The following UNC13C variants were observed in gnomAD, a reference collection of about 807,000 sequenced individuals.
The protein encoded by UNC13C is unc-13 homolog C.
Under a neutral mutation model 245.4 loss-of-function variants are expected in UNC13C, and 174 were observed. The ratio of observed to expected loss-of-function variants is 0.71; its 90% CI spans 0.63 to 0.80. The LOEUF (loss-of-function observed/expected upper bound fraction) is 0.80. UNC13C is among the 30% of genes least tolerant of loss of function. UNC13C has a pLI of 0.00. For synonymous variants in UNC13C, 992 were observed against 895.1 expected (o/e 1.11, Z -1.93); for missense variants, 2,829 against 2,602.9 (o/e 1.09, Z -1.89).
At chr15:54,161,671 C>A (rs1387991091) in intron 4 of UNC13C, among the ~76,000 whole-genome samples, 1 of 152,038 alleles carries the variant, frequency 6.6e-6, no homozygotes, top group Non-Finnish European at 1.5e-5. Flanking sequence ...ACTTTTTCAG[C>A]TGGGCATGGT....
intron 11 of UNC13C, among the ~76,000 whole-genome samples, chr15:54,295,213 G>A (rs966309440): frequency 1.3e-5 from 2 of 152,032 alleles, no homozygotes; most frequent in Admixed American, 6.6e-5. Context: ...TTAACTCTGT[G>A]GAACATTCAC....
intron 19 of UNC13C, among the ~76,000 whole-genome samples, chr15:54,461,893 A>G (rs961821601): frequency 1.3e-5 from 2 of 152,212 alleles, no homozygotes; most frequent in Non-Finnish European, 2.9e-5. Flanking sequence ...GAATACTGGT[A>G]TGAAATAATA....
intron 4 of UNC13C, among the ~76,000 whole-genome samples, chr15:54,228,078 C>A (rs2035444098): frequency 6.6e-6 from 1 of 152,180 alleles, no homozygotes; most frequent in Non-Finnish European, 1.5e-5. Flanking sequence ...CAAAGTCCTA[C>A]TCACTTTCCA....
chr15:54,091,970 A>G (rs1437712671), intron 2 of UNC13C, among the ~76,000 whole-genome samples: 1 of 152,204 alleles, frequency 6.6e-6, no homozygotes, highest in Non-Finnish European at 1.5e-5. Context: ...ACAGTTACTC[A>G]CAAGTTTGAT....
upstream of UNC13C, among the ~76,000 whole-genome samples, chr15:53,977,246 C>T (rs1893739169): frequency 6.6e-6 from 1 of 152,122 alleles, no homozygotes; most frequent in Non-Finnish European, 1.5e-5. Flanking sequence ...TATATTGTGT[C>T]ACATTTGGGG....
chr15:54,627,073 G>T lies in UNC13C; in HGVS notation c.6605G>T (p.Arg2202Ile). ...TSDDVAKEFV[R>I]LKSETRSTEE... ...GATGATGTGGCTAAAGAATTTGTAA[G>T]ACTTAAATCTGAAACAAGATCTACT... Residue 2202 changes from arginine (R) to isoleucine (I), a missense_variant, in exon 33 of 33, where the codon AGA becomes ATA. Transcript: ENST00000260323. The T allele has an allele frequency of 6.2e-7, 1 of 1,612,680 alleles. No homozygotes were observed. Among genetic ancestry groups the T allele is most frequent in the Non-Finnish European group, 8.5e-7 (1 of 1,179,248 alleles).
At chr15:54,331,598 G>C (rs2038438168) in intron 14 of UNC13C, among the ~76,000 whole-genome samples, 5 of 152,082 alleles carry the variant, frequency 3.3e-5, no homozygotes, top group Admixed American at 3.3e-4. Flanking sequence ...CACTTCCGTA[G>C]GTGGTAGAAG....
chr15:54,339,026 C>T (rs1035771928), intron 17 of UNC13C, among the ~76,000 whole-genome samples: 1 of 152,116 alleles, frequency 6.6e-6, no homozygotes, highest in African/African-American at 2.4e-5. Context: ...GCCAGCATTC[C>T]CAGCTAATTT....
rs928170979 is a variant in UNC13C, at chr15:54,152,081, C to T, written c.3071+8397C>T. On this transcript the variant is annotated intron_variant, in intron 4 of 32. Transcript: ENST00000260323. ...GATATAAGTTTCATCACACACCCAA[C>T]TCCCAAAGGCAGTCTTTTCTCAATT... 2.0e-5 allele frequency among the ~76,000 whole-genome samples: 3 copies of T among 152,356 alleles called. No homozygotes were observed. The East Asian group carries it at 5.8e-4, about 29-fold the overall frequency.
At chr15:54,189,879 G>GA (rs1256135852) in intron 4 of UNC13C, among the ~76,000 whole-genome samples, 1 of 151,916 alleles carries the variant, frequency 6.6e-6, no homozygotes, top group African/African-American at 2.4e-5. Flanking sequence ...TTCTATTTTG[G>GA]AAAAATGTCC....
intron 19 of UNC13C, among the ~76,000 whole-genome samples, chr15:54,420,452 T>G (rs1321740003): frequency 2.0e-5 from 3 of 151,594 alleles, no homozygotes; most frequent in African/African-American, 7.3e-5. Context: ...CCACACTCAG[T>G]CACTTCTACA....
At chr15:54,196,112 G>A (rs966487492) in intron 4 of UNC13C, among the ~76,000 whole-genome samples, 5 of 151,960 alleles carry the variant, frequency 3.3e-5, no homozygotes, top group Admixed American at 6.6e-5. Flanking sequence ...TAGGAGATGA[G>A]GTTTATTTTT....
In UNC13C at chr15:54,552,505, TTATATATTATATATTATATATAATA is replaced by T. The variant is rs1351876410; in HGVS notation, c.5877+2815_5877+2839del. ...TAATTATATATTATATTATATATAATTATATATTATATATTATATATAATAATATAATTATATATTATATTGTATA... is the reference window on the plus strand; with the variant it reads ...TAATTATATATTATATTATATATAATATATAATTATATATTATATTGTATA... On this transcript the variant is annotated intron_variant, in intron 28 of 32. Transcript: ENST00000260323. Among the ~76,000 whole-genome samples, 9 of 49,692 alleles carry T rather than the reference TTATATATTATATATTATATATAATA, an allele frequency of 1.8e-4. No individual in the cohort carries two copies. In the East Asian group the frequency reaches 3.5e-3, roughly 19 times the overall value. 32.6% of individuals were successfully genotyped at this position (49,692 alleles called of 152,430 possible).
intron 2 of UNC13C, among the ~76,000 whole-genome samples, chr15:54,077,378 T>TTC (rs1006919996): frequency 8.4e-6 from 1 of 118,538 alleles, no homozygotes; most frequent in African/African-American, 3.2e-5. Context: ...TTTCTTTTCT[T>TTC]TTTTTTTTTT....
the UNC13C span, among the ~76,000 whole-genome samples, chr15:53,946,182 C>T: frequency 6.6e-6 from 1 of 152,132 alleles, no homozygotes; most frequent in Non-Finnish European, 1.5e-5. Context: ...TCTACAAACA[C>T]AGATCATTTG....
intron 4 of UNC13C, among the ~76,000 whole-genome samples, chr15:54,233,545 T>C (rs1198206740): frequency 6.6e-6 from 1 of 152,230 alleles, no homozygotes; most frequent in South Asian, 2.1e-4. Flanking sequence ...ATTTTATCTT[T>C]ATTACTACTT....
At chr15:54,391,708 A>G (rs1324460682) in intron 17 of UNC13C, among the ~76,000 whole-genome samples, 9 of 152,092 alleles carry the variant, frequency 5.9e-5, no homozygotes, top group Non-Finnish European at 1.3e-4. Flanking sequence ...CATCTGTTGC[A>G]TTTCAAACAT....
At chr15:54,137,945 G>A (rs1406042241) in intron 2 of UNC13C, among the ~76,000 whole-genome samples, 1 of 151,972 alleles carries the variant, frequency 6.6e-6, no homozygotes, top group African/African-American at 2.4e-5. Context: ...TTTTTTAAAT[G>A]TGGGTATTTA....
chr15:54,282,879 C>T (rs1225474271), intron 10 of UNC13C, among the ~76,000 whole-genome samples: 1 of 152,114 alleles, frequency 6.6e-6, no homozygotes, highest in African/African-American at 2.4e-5. Context: ...TTGTCTCTCC[C>T]TCAAGGTCAG....
Sources: allele counts gnomAD v4.1 joint callset (sites outside exome capture counted in the v4.1 genomes callset), GRCh38; gene constraint gnomAD v4.1.1; transcripts MANE v1.5; gene names NCBI Gene and HGNC (gene_info 2026-07-23, HGNC 2026-07-21).